Variants in VEGFD observed in about 807,000 individuals in gnomAD.
The protein encoded by VEGFD is c-fos induced growth factor (vascular endothelial growth factor D).
A neutral mutation model predicts 28.0 loss-of-function variants in VEGFD; 26 were observed. That is an observed-to-expected ratio of 0.93 (90% CI 0.68 to 1.29). The LOEUF (loss-of-function observed/expected upper bound fraction) is 1.29. VEGFD is among the 50% of genes most tolerant of loss of function. VEGFD has a pLI of 0.00. For missense variants in VEGFD, 294 were observed against 273.4 expected (o/e 1.08, Z -0.53); for synonymous variants, 93 against 95.5 (o/e 0.97, Z 0.15).
In VEGFD at chrX:15,384,074, T is replaced by C; in HGVS notation, c.-128A>G. 4.4e-6 allele frequency: 2 copies of C among 453,758 alleles called. No homozygotes were observed. Among genetic ancestry groups the C allele is most frequent in the Non-Finnish European group, 7.7e-6 (2 of 258,174 alleles). The allele number at this position is 453,758 out of a possible 1,213,427, so 37.4% of individuals were successfully genotyped here. On this transcript the variant is annotated 5_prime_UTR_variant, in exon 1 of 7. Transcript: ENST00000297904. ...AAACTTCACACAGAAAACCAAATAATCAGTTCTGATCAAAATCCAATGAAA... is the reference window on the plus strand; with the variant it reads ...AAACTTCACACAGAAAACCAAATAACCAGTTCTGATCAAAATCCAATGAAA...
chrX:15,347,156 G>C lies in VEGFD; in HGVS notation c.938+8C>G. On this transcript the variant is annotated splice_region_variant and intron_variant, in intron 6 of 6. Transcript: ENST00000297904. The stretch of plus-strand genomic sequence containing the variant: ...ATGAGTAAAGGCAAGACAACTCAAG[G>C]CATTTACCTGCAGGTGTCTGGGTGA... The C allele has an allele frequency of 8.3e-7, 1 of 1,199,464 alleles. No homozygotes were observed. The highest frequency in any genetic ancestry group is 1.1e-6 in the Non-Finnish European group (1 of 887,531).
chrX:15,380,995 G>A (rs765834387), intron 1 of VEGFD, among the ~76,000 whole-genome samples: 1 of 112,488 alleles, frequency 8.9e-6, no homozygotes, highest in East Asian at 2.8e-4. Flanking sequence ...CATAGGTACT[G>A]GGTTAAGCTT....
chrX:15,360,836 C>T (rs765207336), intron 2 of VEGFD, among the ~76,000 whole-genome samples: 3 of 112,230 alleles, frequency 2.7e-5, no homozygotes, highest in Non-Finnish European at 5.6e-5. Context: ...TTAAAGGTTG[C>T]TTTCCATTTG....
intron 5 of VEGFD, among the ~76,000 whole-genome samples, chrX:15,350,318 G>A (rs189616633): frequency 8.9e-6 from 1 of 111,732 alleles, no homozygotes; most frequent in East Asian, 2.8e-4. Flanking sequence ...GCTTAGAACA[G>A]CACTTCTCTT....
At chrX:15,369,571 T>C (rs753810532) in intron 1 of VEGFD, among the ~76,000 whole-genome samples, 1 of 111,527 alleles carries the variant, frequency 9.0e-6, no homozygotes, top group East Asian at 2.8e-4. Context: ...TAAAATTGTA[T>C]TGTTGCTTTG....
chrX:15,353,992 G>A (rs1376612421), intron 4 of VEGFD, among the ~76,000 whole-genome samples: 2 of 105,770 alleles, frequency 1.9e-5, no homozygotes, highest in African/African-American at 3.5e-5. Flanking sequence ...TTTTTTTGAC[G>A]GAGTCTCCCT....
chrX:15,377,486 A>T (rs190724661), intron 1 of VEGFD, among the ~76,000 whole-genome samples: 1 of 112,237 alleles, frequency 8.9e-6, no homozygotes, highest in African/African-American at 3.2e-5. Context: ...AGTTGTCTCA[A>T]TACAATTCAT....
Position 15,353,184 on chromosome X carries a change from A to C in VEGFD, c.642-16T>G. On this transcript the variant is annotated splice_polypyrimidine_tract_variant and intron_variant, in intron 4 of 6. Transcript: ENST00000297904. ...ATGGGAACAGCTAGGAAAAGAAAAC[A>C]ATGAACCAGATTTAAAAGCTTTCAA... 6 of 977,047 alleles carry C rather than the reference A, an allele frequency of 6.1e-6. No homozygotes were observed. Among genetic ancestry groups the C allele is most frequent in the Non-Finnish European group, 8.5e-6 (6 of 705,066 alleles). 80.5% of individuals were successfully genotyped at this position (977,047 alleles called of 1,213,427 possible).
chrX:15,350,921 G>T (rs1210512447), intron 5 of VEGFD, among the ~76,000 whole-genome samples: 1 of 103,598 alleles, frequency 9.7e-6, no homozygotes, highest in African/African-American at 3.5e-5. Context: ...GAGTGCGGTG[G>T]CATGACCTCG....
intron 6 of VEGFD, among the ~76,000 whole-genome samples, chrX:15,346,606 G>C (rs1232755468): frequency 8.9e-6 from 1 of 112,150 alleles, no homozygotes; most frequent in Non-Finnish European, 1.9e-5. Context: ...CCTAATAACT[G>C]CTTAAATTTT....
At chrX:15,382,685 G>A (rs1201566909) in intron 1 of VEGFD, among the ~76,000 whole-genome samples, 1 of 111,164 alleles carries the variant, frequency 9.0e-6, no homozygotes, top group Non-Finnish European at 1.9e-5. Flanking sequence ...CAAGGCTGGT[G>A]GCAGTAAAAT....
In VEGFD at chrX:15,363,281, C is replaced by G. The variant is rs1263713862; in HGVS notation, c.129G>C (p.Gln43His). The G allele has an allele frequency of 1.7e-6, 2 of 1,209,643 alleles. No individual in the cohort carries two copies. Among genetic ancestry groups the G allele is most frequent in the Non-Finnish European group, 2.2e-6 (2 of 895,092 alleles). Residue 43 changes from glutamine to histidine, a missense_variant, in exon 2 of 7, where the codon CAG becomes CAC. By Grantham distance (24) the Gln-to-His change is conservative. Coordinates refer to ENST00000297904, the MANE Select transcript of VEGFD (RefSeq NM_004469.5). The stretch of plus-strand genomic sequence containing the variant: ...CCTCCAAACTAGAAGCAGCCCTGAT[C>G]TGCTGTTCAGATCGTTCCAATGTGG... ...SQSTLERSEQ[Q>H]IRAASSLEEL... is the part of the protein sequence containing the mutation.
intron 5 of VEGFD, 56 bp downstream of exon 5, chrX:15,353,012 T>A: frequency 1.5e-6 from 1 of 649,405 alleles, no homozygotes; most frequent in East Asian, 3.8e-5. Flanking sequence ...TAACGGTTGC[T>A]GCTATTGTTG....
chrX:15,381,396 T>C (rs1225552107), intron 1 of VEGFD, among the ~76,000 whole-genome samples: 6 of 110,531 alleles, frequency 5.4e-5, no homozygotes, highest in African/African-American at 1.3e-4. Context: ...AGGAGCAAAA[T>C]TGGCATCACC....
chrX:15,367,407 G>T (rs187872069), intron 1 of VEGFD, among the ~76,000 whole-genome samples: 3 of 112,076 alleles, frequency 2.7e-5, no homozygotes, highest in Non-Finnish European at 3.8e-5. Flanking sequence ...CTGAACAATT[G>T]CTAATGTCTC....
Position 15,353,150 on chromosome X carries a change from T to A in VEGFD, c.660A>T (p.Lys220Asn). The change falls in exon 5 of 7, where the codon AAA (lysine) becomes AAT (asparagine). Residue 220 changes from lysine to asparagine, a missense_variant. Physicochemically the swap from Lys to Asn is moderately conservative, Grantham distance 94. Transcript: ENST00000297904. ...PEEDRCSHSK[K>N]LCPIDMLWDS... is the part of the protein sequence containing the mutation. ...CCCATAGCATGTCAATAGGACAGAGTTTCTTGGAATGGGAACAGCTAGGAA... is the reference window on the plus strand; with the variant it reads ...CCCATAGCATGTCAATAGGACAGAGATTCTTGGAATGGGAACAGCTAGGAA... The A allele has an allele frequency of 8.7e-7, 1 of 1,151,018 alleles. No homozygotes were observed. Among genetic ancestry groups the A allele is most frequent in the Non-Finnish European group, 1.2e-6 (1 of 854,277 alleles). The allele number at this position is 1,151,018 out of a possible 1,213,427, so 94.9% of individuals were successfully genotyped here. A position where few individuals can be genotyped will look rare whatever the true frequency, so the allele number is the denominator to read the frequency against.
chrX:15,375,817 T>G (rs16979863), intron 1 of VEGFD, among the ~76,000 whole-genome samples: 1,182 of 111,321 alleles, frequency 0.011, 13 homozygotes, highest in African/African-American at 0.036. Flanking sequence ...CATCCTCCAA[T>G]TTGATGAAGA....
intron 2 of VEGFD, among the ~76,000 whole-genome samples, chrX:15,361,532 C>G (rs1252456021): frequency 8.9e-6 from 1 of 112,218 alleles, no homozygotes; most frequent in Non-Finnish European, 1.9e-5. Flanking sequence ...TCCCCACAGC[C>G]AACAACAGAG....
At chrX:15,375,757 G>C (rs761033038) in intron 1 of VEGFD, among the ~76,000 whole-genome samples, 25 of 111,832 alleles carry the variant, frequency 2.2e-4, no homozygotes, top group African/African-American at 7.8e-4. Flanking sequence ...GTGCATGGCT[G>C]TCTGGGTTTT....
Sources: gnomAD v4.1 joint callset for allele counts (sites outside exome capture counted in the v4.1 genomes callset) on GRCh38, gnomAD v4.1.1 for gene constraint, MANE v1.5 for transcripts, NCBI Gene and HGNC (gene_info 2026-07-23, HGNC 2026-07-21) for gene names.